SYT9: variants seen among roughly 807,000 people sequenced by gnomAD.
SYT9 encodes synaptotagmin-9.
Under a neutral mutation model 48.4 loss-of-function variants are expected in SYT9, and 22 were observed. The observed-to-expected ratio is 0.45, with a 90% confidence interval of 0.32 to 0.65. The LOEUF is 0.65. SYT9 is among the 30% of genes least tolerant of loss of function. SYT9 has a pLI of 0.03. For missense variants in SYT9, 577 were observed against 622.0 expected, an observed-to-expected ratio of 0.93 and a Z score of 0.77; for synonymous variants, 265 against 245.0, an observed-to-expected ratio of 1.08 and a Z score of -0.76.
At chr11:7,337,515 C>G (rs1849649763) in intron 3 of SYT9, among the ~76,000 whole-genome samples, 1 of 152,026 alleles carries the variant, frequency 6.6e-6, no homozygotes, top group Non-Finnish European at 1.5e-5. Context: ...ATAGATGGAT[C>G]TTATTATTTT....
At chr11:7,245,729 G>C (rs1225440153) in intron 1 of SYT9, among the ~76,000 whole-genome samples, 1 of 152,182 alleles carries the variant, frequency 6.6e-6, no homozygotes, top group African/African-American at 2.4e-5. Flanking sequence ...AGAGACAAAA[G>C]GGGGCCAAAC....
In SYT9 at chr11:7,335,902, A is replaced by G. The variant is rs539283696; in HGVS notation, c.1044+21961A>G. On this transcript the variant is annotated intron_variant, in intron 3 of 6. Coordinates refer to ENST00000318881, the MANE Select transcript of SYT9 (RefSeq NM_175733.4). Reference sequence around the variant, plus strand: ...TAGGTCAAATGGTAGTTCTGTTTTTAGCTCATTATCGCCACACTGCTTTCC... The same window carrying G: ...TAGGTCAAATGGTAGTTCTGTTTTTGGCTCATTATCGCCACACTGCTTTCC... Among the ~76,000 whole-genome samples the G allele has an allele frequency of 2.6e-5, 4 of 152,084 alleles. No homozygotes were observed. In the South Asian group the frequency reaches 8.3e-4, roughly 32 times the overall value.
intron 1 of SYT9, among the ~76,000 whole-genome samples, chr11:7,260,815 C>A (rs1222861114): frequency 6.6e-6 from 1 of 152,174 alleles, no homozygotes; most frequent in Non-Finnish European, 1.5e-5. Flanking sequence ...GTAAATACTG[C>A]CTTTAGCAAG....
At chr11:7,346,845 G>A (rs911037804) in intron 3 of SYT9, among the ~76,000 whole-genome samples, 1 of 152,144 alleles carries the variant, frequency 6.6e-6, no homozygotes, top group Non-Finnish European at 1.5e-5. Context: ...CACTGTTAAA[G>A]TTTGATATAT....
intron 3 of SYT9, among the ~76,000 whole-genome samples, chr11:7,390,874 G>C (rs763011070): frequency 6.6e-5 from 10 of 151,984 alleles, no homozygotes; most frequent in Non-Finnish European, 1.5e-4. Flanking sequence ...GGTTTGTTAC[G>C]AGGGTGTGTT....
rs115453507 is a variant in SYT9, at chr11:7,277,122, C to T, written c.145+24791C>T. ...CATGTGTCTGCCTCCTTCATTAGAT[C>T]AGATTGGAACTCACTGAGGGAAAGG... On this transcript the variant is annotated intron_variant, in intron 1 of 6. Transcript: ENST00000318881. Among the ~76,000 whole-genome samples, 1,429 of 152,160 alleles carry T rather than the reference C, an allele frequency of 9.4e-3. 21 individuals carry two copies. The highest frequency in any genetic ancestry group is 0.03 in the African/African-American group (1,254 of 41,526).
chr11:7,408,643 A>G (rs1440129046), intron 3 of SYT9, among the ~76,000 whole-genome samples: 8 of 152,130 alleles, frequency 5.3e-5, no homozygotes, highest in Non-Finnish European at 1.0e-4. Flanking sequence ...GTTCATTATC[A>G]GTATATAGAA....
chr11:7,385,365 T>TGC, intron 3 of SYT9, among the ~76,000 whole-genome samples: 1 of 138,346 alleles, frequency 7.2e-6, no homozygotes, highest in Non-Finnish European at 1.6e-5. Context: ...TGTGTGTGTG[T>TGC]GTGTGCGTGT....
At chr11:7,444,290 T>G (rs750488327) in intron 6 of SYT9, 17 of 152,266 alleles carry the variant, frequency 1.1e-4, no homozygotes, top group Non-Finnish European at 1.6e-4. Flanking sequence ...CCCTGAGGTT[T>G]GGGAATGAAC....
upstream of SYT9, among the ~76,000 whole-genome samples, chr11:7,247,182 G>T (rs1275709980): frequency 1.3e-5 from 2 of 152,126 alleles, no homozygotes; most frequent in Non-Finnish European, 2.9e-5. Flanking sequence ...TGATTTGTGA[G>T]ATATTGGTGC....
chr11:7,363,078 C>T (rs891485336), intron 3 of SYT9, among the ~76,000 whole-genome samples: 12 of 143,672 alleles, frequency 8.4e-5, no homozygotes, highest in African/African-American at 3.0e-4. Flanking sequence ...TCACCAGTGT[C>T]TGTAAATCTC....
At chr11:7,270,688 A>G (rs924560709) in intron 1 of SYT9, among the ~76,000 whole-genome samples, 4 of 152,214 alleles carry the variant, frequency 2.6e-5, no homozygotes. Context: ...TTAACAGGCA[A>G]GTTGGAGCCA....
At chr11:7,450,946 T>C (rs1168578282) in intron 6 of SYT9, among the ~76,000 whole-genome samples, 2 of 152,228 alleles carry the variant, frequency 1.3e-5, no homozygotes, top group African/African-American at 2.4e-5. Context: ...TAAAAGACTT[T>C]TCTTTCTCAG....
At chr11:7,323,928 G>A (rs1319155874) in intron 3 of SYT9, among the ~76,000 whole-genome samples, 3 of 151,734 alleles carry the variant, frequency 2.0e-5, no homozygotes, top group African/African-American at 7.3e-5. Flanking sequence ...TATTAAAGGT[G>A]TACAAGCCTT....
At chr11:7,247,246 G>T (rs1187505695), upstream of SYT9, among the ~76,000 whole-genome samples, 1 of 151,842 alleles carries the variant, frequency 6.6e-6, no homozygotes, top group Non-Finnish European at 1.5e-5. Flanking sequence ...TTTATCTCCT[G>T]CCCCCTTCCC....
At chr11:7,393,359 A>G (rs1846676226) in intron 3 of SYT9, among the ~76,000 whole-genome samples, 2 of 149,378 alleles carry the variant, frequency 1.3e-5, no homozygotes, top group Admixed American at 1.3e-4. Context: ...GTGTATATTG[A>G]GATGATCTTT....
intron 6 of SYT9, among the ~76,000 whole-genome samples, chr11:7,460,556 A>G (rs1348069683): frequency 6.6e-6 from 1 of 152,158 alleles, no homozygotes; most frequent in African/African-American, 2.4e-5. Flanking sequence ...AATCTTATAC[A>G]TTTAGGTGAA....
chr11:7,321,953 C>G (rs986075390), intron 3 of SYT9, among the ~76,000 whole-genome samples: 1 of 152,108 alleles, frequency 6.6e-6, no homozygotes, highest in African/African-American at 2.4e-5. Flanking sequence ...ACTTTCCTTG[C>G]TATCTGCTGG....
At chr11:7,314,291 T>G in intron 3 of SYT9, 1 of 436,920 alleles carries the variant, frequency 2.3e-6, no homozygotes, top group Non-Finnish European at 4.5e-6. Flanking sequence ...TGGCATTCTA[T>G]TAACTGTAGT....
Sources: gnomAD v4.1 joint callset for allele counts (sites outside exome capture counted in the v4.1 genomes callset) on GRCh38, gnomAD v4.1.1 for gene constraint, MANE v1.5 for transcripts, NCBI Gene and HGNC (gene_info 2026-07-23, HGNC 2026-07-21) for gene names.